Variants in TBC1D22A observed in about 807,000 individuals in gnomAD.
TBC1D22A encodes the protein TBC1 domain family member 22A.
In TBC1D22A, 38 loss-of-function variants were observed where a neutral mutation model predicts 60.2. That is an observed-to-expected ratio of 0.63 (90% CI 0.49 to 0.83). The LOEUF (loss-of-function observed/expected upper bound fraction) is 0.83. Among genes scored for constraint, TBC1D22A ranks in the 40% least tolerant of loss-of-function variants. TBC1D22A has a pLI of 0.00. For synonymous variants in TBC1D22A, 302 were observed against 281.7 expected (o/e 1.07, Z -0.72); for missense variants, 628 against 701.0 (o/e 0.90, Z 1.18).
Position 47,065,238 on chromosome 22 carries a change from C to T in TBC1D22A, c.1329+28040C>T, listed in dbSNP as rs770341816. ...GTCTCAATCTTCTGACCTCATGATC[C>T]GCCCACGTTGGCCTCCCAAAGTGCT... is the stretch of plus-strand genomic sequence containing the variant. On this transcript the variant is annotated intron_variant, in intron 11 of 12. Coordinates refer to ENST00000337137, the MANE Select transcript of TBC1D22A (RefSeq NM_014346.5). Among the ~76,000 whole-genome samples, 10 of 152,218 alleles carry T rather than the reference C, an allele frequency of 6.6e-5. No homozygotes were observed. The East Asian group carries it at 1.7e-3, about 26-fold the overall frequency.
intron 1 of TBC1D22A, among the ~76,000 whole-genome samples, chr22:46,787,784 G>T (rs894638266): frequency 1.3e-5 from 2 of 152,110 alleles, no homozygotes; most frequent in African/African-American, 4.8e-5. Flanking sequence ...GAACCAGAAT[G>T]GGGAGGGTTT....
intron 11 of TBC1D22A, among the ~76,000 whole-genome samples, chr22:47,072,569 C>A (rs1317676101): frequency 6.6e-6 from 1 of 152,228 alleles, no homozygotes; most frequent in Non-Finnish European, 1.5e-5. Context: ...CCTGTTAGCA[C>A]CCCTGCCATT....
intron 8 of TBC1D22A, among the ~76,000 whole-genome samples, chr22:46,920,088 A>ATGTATGT (rs60783794): frequency 0.46 from 66,959 of 145,668 alleles, 15,703 homozygotes; most frequent in South Asian, 0.63. Context: ...TGTATGTATG[A>ATGTATGT]ATGAAGGAGA....
chr22:46,981,047 G>A (rs907811757), intron 9 of TBC1D22A, among the ~76,000 whole-genome samples: 3 of 152,144 alleles, frequency 2.0e-5, no homozygotes, highest in Admixed American at 6.5e-5. Context: ...ATTAACCAAA[G>A]TAATAGTTAG....
intron 4 of TBC1D22A, among the ~76,000 whole-genome samples, chr22:46,861,033 T>A (rs1385648057): frequency 6.6e-6 from 1 of 152,148 alleles, no homozygotes; most frequent in East Asian, 1.9e-4. Context: ...CAATCTTGGC[T>A]CACTGTCTCT....
At chr22:46,799,611 G>A (rs965357602) in intron 4 of TBC1D22A, among the ~76,000 whole-genome samples, 4 of 152,124 alleles carry the variant, frequency 2.6e-5, no homozygotes, top group African/African-American at 9.7e-5. Context: ...GGGACCATGC[G>A]TTCCATTTGG....
chr22:46,924,545 G>A (rs940645152), intron 8 of TBC1D22A, among the ~76,000 whole-genome samples: 5 of 152,118 alleles, frequency 3.3e-5, no homozygotes, highest in African/African-American at 1.2e-4. Flanking sequence ...AGGAGTTCGA[G>A]ACCAGCCCGA....
intron 4 of TBC1D22A, among the ~76,000 whole-genome samples, chr22:46,815,861 G>C (rs1569079341): frequency 1.3e-5 from 2 of 152,120 alleles, no homozygotes; most frequent in South Asian, 4.1e-4. Context: ...TGGAGGGAGA[G>C]GGCCTGCGTG....
chr22:46,797,429 C>T lies in TBC1D22A; in HGVS notation c.461-15C>T, dbSNP rs562283487. ...GAGCGCCCTCACCCTCACCCCCATT[C>T]TCTCACCCCTGCAGAAAGTGCCAGC... is the stretch of plus-strand genomic sequence containing the variant. On this transcript the variant is annotated splice_polypyrimidine_tract_variant and intron_variant, in intron 3 of 12. Coordinates refer to ENST00000337137, the MANE Select transcript of TBC1D22A (RefSeq NM_014346.5). The T allele has an allele frequency of 3.1e-6, 5 of 1,612,194 alleles. No individual in the cohort carries two copies. In the South Asian group the frequency reaches 5.5e-5, roughly 18 times the overall value.
chr22:47,030,222 T>C (rs549320277), intron 10 of TBC1D22A, among the ~76,000 whole-genome samples: 99 of 152,360 alleles, frequency 6.5e-4, no homozygotes, highest in African/African-American at 2.3e-3. Context: ...TATTTGTGTC[T>C]GTTCTCGGCT....
chr22:46,911,985 A>C (rs1349373074), intron 7 of TBC1D22A, 89 bp from the exon 8 acceptor site: 1 of 803,134 alleles, frequency 1.2e-6, no homozygotes, highest in African/African-American at 1.7e-5. Context: ...GAGAAAATAC[A>C]GTGTACATTT....
intron 8 of TBC1D22A, among the ~76,000 whole-genome samples, chr22:46,954,774 C>T (rs975031368): frequency 6.6e-6 from 1 of 152,176 alleles, no homozygotes; most frequent in Non-Finnish European, 1.5e-5. Context: ...ACAGTGATTT[C>T]TTAACATTTT....
chr22:47,148,515 A>C (rs973094236), intron 12 of TBC1D22A, among the ~76,000 whole-genome samples: 4 of 152,132 alleles, frequency 2.6e-5, no homozygotes, highest in Non-Finnish European at 4.4e-5. Flanking sequence ...GGTGCGTCTC[A>C]AGGGCCTGAA....
chr22:46,855,814 G>A (rs941977938), intron 4 of TBC1D22A, among the ~76,000 whole-genome samples: 8 of 152,282 alleles, frequency 5.3e-5, no homozygotes, highest in African/African-American at 1.2e-4. Flanking sequence ...GCTTCTGTGC[G>A]TTTTATTTGA....
intron 8 of TBC1D22A, among the ~76,000 whole-genome samples, chr22:46,967,148 T>G (rs1357600453): frequency 6.6e-6 from 1 of 152,250 alleles, no homozygotes; most frequent in Non-Finnish European, 1.5e-5. Context: ...TGGTTCAGTC[T>G]GTGTAACCTT....
chr22:46,838,100 T>C (rs150832655), intron 4 of TBC1D22A, among the ~76,000 whole-genome samples: 3 of 152,096 alleles, frequency 2.0e-5, no homozygotes, highest in African/African-American at 7.2e-5. Flanking sequence ...ACTTCTACAC[T>C]TGAAGGAACT....
At chr22:46,806,364 G>C (rs375525552) in intron 4 of TBC1D22A, among the ~76,000 whole-genome samples, 1 of 135,308 alleles carries the variant, frequency 7.4e-6, no homozygotes, top group African/African-American at 2.7e-5. Flanking sequence ...TTTTTGCCCG[G>C]AAATGGAGCT....
At chr22:47,010,189 T>C (rs2148295998) in intron 10 of TBC1D22A, among the ~76,000 whole-genome samples, 1 of 152,366 alleles carries the variant, frequency 6.6e-6, no homozygotes, top group South Asian at 2.1e-4. Context: ...TCTTTTAAGA[T>C]AGAATTCAGT....
intron 10 of TBC1D22A, among the ~76,000 whole-genome samples, chr22:47,001,027 G>A (rs964113561): frequency 6.6e-6 from 1 of 152,086 alleles, no homozygotes; most frequent in Non-Finnish European, 1.5e-5. Flanking sequence ...TGGTTTGGGC[G>A]CCTCATGTAG....
Sources: gnomAD v4.1 joint callset for allele counts (sites outside exome capture counted in the v4.1 genomes callset) on GRCh38, gnomAD v4.1.1 for gene constraint, MANE v1.5 for transcripts, NCBI Gene and HGNC (gene_info 2026-07-23, HGNC 2026-07-21) for gene names.